The following LRP8 variants were observed in gnomAD, a reference collection of about 807,000 sequenced individuals.
The protein encoded by LRP8 is low-density lipoprotein receptor-related protein 8.
Under a neutral mutation model 111.6 loss-of-function variants are expected in LRP8, and 46 were observed. The ratio of observed to expected loss-of-function variants is 0.41; its 90% confidence interval spans 0.33 to 0.53. LRP8 has a LOEUF of 0.53. LRP8 is among the 20% of genes least tolerant of loss of function. The probability of loss-of-function intolerance (pLI) is 0.20; values close to 1 mark genes in which losing one functional copy is unlikely to be tolerated. For missense variants in LRP8, 959 were observed against 1,297.4 expected (o/e 0.74, Z 4.01); for synonymous variants, 464 against 511.2 (o/e 0.91, Z 1.24).
intron 8 of LRP8, among the ~76,000 whole-genome samples, chr1:53,270,108 T>G (rs1646715480): frequency 6.6e-6 from 1 of 152,202 alleles, no homozygotes; most frequent in Admixed American, 6.5e-5. Context: ...GTGCGTTGTG[T>G]GTGTGATGTG....
At chr1:53,289,451 A>C (rs1648223062) in intron 3 of LRP8, 116 bp downstream of exon 3, 1 of 1,376,864 alleles carries the variant, frequency 7.3e-7, no homozygotes, top group African/African-American at 1.4e-5. Context: ...GAGCGCCCTG[A>C]GTGCGTGGCA....
At chr1:53,306,853 C>T (rs1365477253) in intron 2 of LRP8, among the ~76,000 whole-genome samples, 16 of 152,232 alleles carry the variant, frequency 1.1e-4, no homozygotes. Context: ...CATCTGTCTA[C>T]ATCACCTCAC....
intron 8 of LRP8, among the ~76,000 whole-genome samples, chr1:53,269,663 C>A (rs1646700168): frequency 6.6e-6 from 1 of 152,140 alleles, no homozygotes; most frequent in Admixed American, 6.6e-5. Context: ...GCTTCCCTGA[C>A]CATTCCATTT....
chr1:53,247,162 A>G (rs1645752702), intron 18 of LRP8, 106 bp from the exon 19 acceptor site: 4 of 790,426 alleles, frequency 5.1e-6, no homozygotes, highest in Admixed American at 3.3e-5. Flanking sequence ...ATTAGCTCAC[A>G]TAATGTTCAA....
At chr1:53,307,830 G>A (rs947138120) in intron 2 of LRP8, among the ~76,000 whole-genome samples, 2 of 152,186 alleles carry the variant, frequency 1.3e-5, no homozygotes, top group African/African-American at 4.8e-5. Context: ...GTCCAGGCAC[G>A]ACCCAGTCTG....
rs753289687 is a variant in LRP8 at position 53,257,316 on chromosome 1, G to A, written c.2358C>T (p.Ser786=). The part of the protein sequence containing the change: ...ETPSLTAAVP[S]SVSVPRAPSI... Reference sequence around the variant, plus strand: ...TGGGAGCCCTGGGGACACTAACTGAGCTTGGGACTGCAGCTGTCAGGCTTG... The same window carrying A: ...TGGGAGCCCTGGGGACACTAACTGAACTTGGGACTGCAGCTGTCAGGCTTG... Residue 786 remains serine, a synonymous_variant, in exon 15 of 19, where the codon AGC becomes AGT. Transcript: ENST00000306052. 5 of 1,614,180 alleles carry A rather than the reference G, an allele frequency of 3.1e-6. No homozygotes were observed. The highest frequency in any genetic ancestry group is 2.5e-6 in the Non-Finnish European group (3 of 1,180,030).
chr1:53,291,503 C>A (rs1282645638), intron 2 of LRP8, among the ~76,000 whole-genome samples: 1 of 152,174 alleles, frequency 6.6e-6, no homozygotes, highest in Non-Finnish European at 1.5e-5. Context: ...TACCATCATA[C>A]CTTGCCCAAG....
chr1:53,327,138 A>C, intron 1 of LRP8, 146 bp from the exon 2 acceptor site: 2 of 1,092,108 alleles, frequency 1.8e-6, no homozygotes, highest in Non-Finnish European at 2.5e-6. Flanking sequence ...ACTCCATCCA[A>C]AGGGAGGGCA....
intron 2 of LRP8, among the ~76,000 whole-genome samples, chr1:53,312,104 C>T (rs1322895493): frequency 1.3e-5 from 2 of 152,162 alleles, no homozygotes; most frequent in African/African-American, 2.4e-5. Flanking sequence ...ATAGAAATGG[C>T]GGTGGTAACA....
At chr1:53,304,887 C>T (rs189716605) in intron 2 of LRP8, 2 of 152,616 alleles carry the variant, frequency 1.3e-5, no homozygotes, top group East Asian at 3.9e-4. Context: ...CATCCTGGCC[C>T]AGACCTCAGC....
intron 2 of LRP8, 147 bp from the exon 3 acceptor site, chr1:53,289,836 T>A: frequency 9.9e-7 from 1 of 1,005,922 alleles, no homozygotes; most frequent in Non-Finnish European, 1.4e-6. Flanking sequence ...TCTTCATTCC[T>A]TAGGCATCTG....
At chr1:53,264,718 C>T (rs760312849) in intron 9 of LRP8, among the ~76,000 whole-genome samples, 2 of 152,084 alleles carry the variant, frequency 1.3e-5, no homozygotes, top group Non-Finnish European at 2.9e-5. Flanking sequence ...TCCGAGAGGG[C>T]GGGAGAAGGC....
Position 53,266,776 on chromosome 1 carries a change from T to C in LRP8, c.1253-129A>G. The C allele has an allele frequency of 1.3e-6, 1 of 772,834 alleles. No homozygotes were observed. The highest frequency in any genetic ancestry group is 2.2e-6 in the Non-Finnish European group (1 of 463,860). The allele number at this position is 772,834 out of a possible 1,614,324, so 47.9% of individuals were successfully genotyped here. A position where few individuals can be genotyped will look rare whatever the true frequency, so the allele number is the denominator to read the frequency against. ...TTAAAATAGTAGTGACAATTCCTAC[T>C]TTACAGGTTGCAGGAGCAGATGAAA... On this transcript the variant is annotated intron_variant, in intron 8 of 18. Coordinates refer to ENST00000306052, the MANE Select transcript of LRP8 (RefSeq NM_004631.5). The surrounding 1 kb of genome is among the most constrained non-coding windows in gnomAD (Gnocchi z 5.0).
intron 5 of LRP8, 101 bp downstream of exon 5, chr1:53,276,591 T>C: frequency 1.1e-6 from 1 of 928,244 alleles, no homozygotes; most frequent in Non-Finnish European, 1.5e-6. Flanking sequence ...GGGTAATGTA[T>C]TCAGGTAAGG....
At chr1:53,289,849 C>A in intron 2 of LRP8, 160 bp from the exon 3 acceptor site, 1 of 880,172 alleles carries the variant, frequency 1.1e-6, no homozygotes. Context: ...GGCATCTGAA[C>A]ACTGCGTGAA....
chr1:53,305,304 C>T (rs1468570448), intron 2 of LRP8: 1 of 152,184 alleles, frequency 6.6e-6, no homozygotes, highest in African/African-American at 2.4e-5. Context: ...CAGTTGGTTG[C>T]TAGATCACGT....
chr1:53,250,986 G>T lies in LRP8; in HGVS notation c.2504-124C>A. 3 of 738,300 alleles carry T rather than the reference G, an allele frequency of 4.1e-6. No individual in the cohort carries two copies. The highest frequency in any genetic ancestry group is 4.6e-6 in the Non-Finnish European group (2 of 436,930). 45.7% of individuals were successfully genotyped at this position (738,300 alleles called of 1,614,324 possible). A position where few individuals can be genotyped will look rare whatever the true frequency, so the allele number is the denominator to read the frequency against. ...TGCTCCTCAGGCTCTGTTTCTGCAT[G>T]TTCTTTTACTGCTGTTTGAAAGCCC... On this transcript the variant is annotated intron_variant, in intron 16 of 18. Transcript: ENST00000306052. The surrounding 1 kb of genome is among the most constrained non-coding windows in gnomAD (Gnocchi z 4.6).
In LRP8 at chr1:53,262,054, C is replaced by A. The variant is rs777378320; in HGVS notation, c.1914+14G>T. ...GCTTCCTAGTGGGCCCTTGCCTCTCCTTACAGGACTCACCTCAAACACAGC... is the reference window on the plus strand; with the variant it reads ...GCTTCCTAGTGGGCCCTTGCCTCTCATTACAGGACTCACCTCAAACACAGC... On this transcript the variant is annotated intron_variant, in intron 12 of 18. Coordinates refer to ENST00000306052, the MANE Select transcript of LRP8 (RefSeq NM_004631.5). The surrounding 1 kb of genome is among the most constrained non-coding windows in gnomAD (Gnocchi z 4.8). 1 of 1,613,670 alleles carries A rather than the reference C, an allele frequency of 6.2e-7. No homozygotes were observed. Among genetic ancestry groups the A allele is most frequent in the Admixed American group, 1.7e-5 (1 of 59,950 alleles).
At chr1:53,258,575 C>T in intron 13 of LRP8, 104 bp from the exon 14 acceptor site, 1 of 1,058,518 alleles carries the variant, frequency 9.4e-7, no homozygotes, top group South Asian at 1.7e-5. Context: ...AAAAAGCTTG[C>T]CCTATACTTT....
Sources: allele counts gnomAD v4.1 joint callset (sites outside exome capture counted in the v4.1 genomes callset), GRCh38; gene constraint gnomAD v4.1.1; non-coding constraint Gnocchi (gnomAD v3.1); transcripts MANE v1.5; gene names NCBI Gene and HGNC (gene_info 2026-07-23, HGNC 2026-07-21).